Variants in PLCB4 observed in about 807,000 individuals in gnomAD.
The protein encoded by PLCB4 is 1-phosphatidylinositol 4,5-bisphosphate phosphodiesterase beta-4.
A neutral mutation model predicts 178.8 loss-of-function variants in PLCB4; 77 were observed. The observed-to-expected ratio is 0.43, with a 90% confidence interval of 0.36 to 0.52. The LOEUF (loss-of-function observed/expected upper bound fraction) is 0.52. Among genes scored for constraint, PLCB4 ranks in the 20% least tolerant of loss-of-function variants. The pLI, the probability that PLCB4 is intolerant of heterozygous loss-of-function variation, is 0.00. For missense variants in PLCB4, 1,024 were observed against 1,453.4 expected, an observed-to-expected ratio of 0.70 and a Z score of 4.80; for synonymous variants, 496 against 490.8, an observed-to-expected ratio of 1.01 and a Z score of -0.14.
At chr20:9,266,282 T>C (rs2094348364) in intron 3 of PLCB4, among the ~76,000 whole-genome samples, 2 of 152,304 alleles carry the variant, frequency 1.3e-5, no homozygotes, top group East Asian at 1.9e-4. Flanking sequence ...GTTTGTCTGT[T>C]TTTGCTTGTA....
chr20:9,337,934 TGCCAAGCAG>T, intron 5 of PLCB4, 65 bp from the exon 6 acceptor site: 1 of 1,065,960 alleles, frequency 9.4e-7, no homozygotes, highest in Non-Finnish European at 1.5e-6. Flanking sequence ...CAGAAATTTT[TGCCAAGCAG>T]TTTGCCTGTA....
At chr20:9,307,719 A>G (rs976667351) in intron 3 of PLCB4, 81 bp from the exon 4 acceptor site, 3 of 576,182 alleles carry the variant, frequency 5.2e-6, no homozygotes, top group East Asian at 3.1e-5. Flanking sequence ...TCTTCTGCAA[A>G]CACAGAAATG....
chr20:9,241,438 A>T (rs1278358830), intron 3 of PLCB4, among the ~76,000 whole-genome samples: 1 of 152,048 alleles, frequency 6.6e-6, no homozygotes, highest in Non-Finnish European at 1.5e-5. Flanking sequence ...TCCAAACCAC[A>T]CAAGAGAAAC....
At chr20:9,239,265 G>A (rs903945576) in intron 3 of PLCB4, among the ~76,000 whole-genome samples, 46 of 152,076 alleles carry the variant, frequency 3.0e-4, no homozygotes, top group African/African-American at 9.4e-4. Flanking sequence ...CCTCTTTTAC[G>A]TTGTCAAGTA....
At chr20:9,176,019 T>C (rs1358293150) in intron 2 of PLCB4, among the ~76,000 whole-genome samples, 1 of 152,140 alleles carries the variant, frequency 6.6e-6, no homozygotes, top group Non-Finnish European at 1.5e-5. Flanking sequence ...AGTCCATTTT[T>C]CCCAACCCCT....
At chr20:9,249,732 A>G (rs1232133705) in intron 3 of PLCB4, among the ~76,000 whole-genome samples, 2 of 152,134 alleles carry the variant, frequency 1.3e-5, no homozygotes, top group African/African-American at 4.8e-5. Context: ...CTAAACCAGA[A>G]ATGATCTATG....
chr20:9,288,791 G>A (rs1183904666), intron 3 of PLCB4, among the ~76,000 whole-genome samples: 2 of 151,948 alleles, frequency 1.3e-5, no homozygotes, highest in Non-Finnish European at 2.9e-5. Context: ...TGAGCTTAAA[G>A]ACCAAAAGTT....
chr20:9,266,971 T>C (rs140568950), intron 3 of PLCB4, among the ~76,000 whole-genome samples: 1 of 152,296 alleles, frequency 6.6e-6, no homozygotes, highest in East Asian at 1.9e-4. Context: ...AGCAGTACCT[T>C]AGGATAGAGA....
chr20:9,336,250 T>A (rs1331143957), intron 4 of PLCB4, among the ~76,000 whole-genome samples: 1 of 152,150 alleles, frequency 6.6e-6, no homozygotes, highest in Admixed American at 6.6e-5. Context: ...AGGACATCTA[T>A]GTTCATTTCC....
At chr20:9,335,205 A>G (rs750879314) in intron 4 of PLCB4, among the ~76,000 whole-genome samples, 1 of 152,054 alleles carries the variant, frequency 6.6e-6, no homozygotes, top group Non-Finnish European at 1.5e-5. Flanking sequence ...TGATTAGTTG[A>G]TAATTCTCAT....
intron 15 of PLCB4, among the ~76,000 whole-genome samples, chr20:9,389,076 T>C (rs895280997): frequency 2.6e-5 from 4 of 152,186 alleles, no homozygotes; most frequent in African/African-American, 9.6e-5. Flanking sequence ...TTACCAAATA[T>C]GATGCTCCGG....
At chr20:9,201,632 C>G (rs556995900) in intron 2 of PLCB4, among the ~76,000 whole-genome samples, 1 of 152,178 alleles carries the variant, frequency 6.6e-6, no homozygotes, top group Non-Finnish European at 1.5e-5. Flanking sequence ...ACATGGTACT[C>G]TAACATTTGA....
chr20:9,155,533 T>C (rs1568854700), intron 2 of PLCB4, among the ~76,000 whole-genome samples: 1 of 152,168 alleles, frequency 6.6e-6, no homozygotes, highest in African/African-American at 2.4e-5. Context: ...TTAATTTGTA[T>C]GGATGCTTGA....
chr20:9,431,401 G>A (rs1256021140), intron 28 of PLCB4, among the ~76,000 whole-genome samples: 2 of 151,992 alleles, frequency 1.3e-5, no homozygotes, highest in African/African-American at 4.8e-5. Context: ...TGAAGTTCTA[G>A]GTAGACAGGA....
chr20:9,146,827 A>G (rs1275259617), intron 2 of PLCB4, among the ~76,000 whole-genome samples: 1 of 152,158 alleles, frequency 6.6e-6, no homozygotes, highest in Non-Finnish European at 1.5e-5. Context: ...CCTCTGAAGA[A>G]TGCTGAGGAA....
chr20:9,240,135 A>G (rs1375305611), intron 3 of PLCB4, among the ~76,000 whole-genome samples: 1 of 152,130 alleles, frequency 6.6e-6, no homozygotes, highest in Non-Finnish European at 1.5e-5. Context: ...TCAAGTTGAC[A>G]CTCAGTATTA....
rs141851169 is a variant in PLCB4, at chr20:9,077,909, T to G, written c.-135+8703T>G. On this transcript the variant is annotated intron_variant, in intron 1 of 39. Coordinates refer to ENST00000378473, the MANE Select transcript of PLCB4 (RefSeq NM_001377142.1). ...CTTTTTACTTAAAGAATGAGAAGAT[T>G]AGGAGATAATGCTATTTAATGAGTT... 8.5e-5 allele frequency among the ~76,000 whole-genome samples: 13 copies of G among 152,360 alleles called. No homozygotes were observed. The East Asian group carries it at 2.5e-3, about 29-fold the overall frequency.
At chr20:9,162,919 A>T (rs2092912071) in intron 2 of PLCB4, among the ~76,000 whole-genome samples, 1 of 152,170 alleles carries the variant, frequency 6.6e-6, no homozygotes, top group Non-Finnish European at 1.5e-5. Flanking sequence ...GCTGGTATAC[A>T]TTTAACCACT....
intron 2 of PLCB4, among the ~76,000 whole-genome samples, chr20:9,142,916 C>G (rs145438668): frequency 1.7e-4 from 26 of 152,292 alleles, no homozygotes; most frequent in Middle Eastern, 3.4e-3. Flanking sequence ...CTCTTAATCT[C>G]TGACTTCATC....
Sources: allele counts gnomAD v4.1 joint callset (sites outside exome capture counted in the v4.1 genomes callset), GRCh38; gene constraint gnomAD v4.1.1; transcripts MANE v1.5; gene names NCBI Gene and HGNC (gene_info 2026-07-23, HGNC 2026-07-21).